SLC44A1: variants seen among roughly 807,000 people sequenced by gnomAD.
SLC44A1 encodes the protein solute carrier family 44 member 1.
Under a neutral mutation model 79.3 loss-of-function variants are expected in SLC44A1, and 26 were observed. The ratio of observed to expected loss-of-function variants is 0.33; its 90% confidence interval spans 0.24 to 0.46. SLC44A1 has a LOEUF of 0.46. Among genes scored for constraint, SLC44A1 ranks in the 20% least tolerant of loss-of-function variants. The pLI is 1.00. For missense variants in SLC44A1, 688 were observed against 798.1 expected (o/e 0.86, Z 1.66); for synonymous variants, 263 against 286.2 (o/e 0.92, Z 0.82).
Position 105,393,385 on chromosome 9 carries a change from A to T in SLC44A1, c.*4329A>T, listed in dbSNP as rs1052909005. 4.1e-6 allele frequency: 4 copies of T among 985,224 alleles called. No individual in the cohort carries two copies. The highest frequency in any genetic ancestry group is 4.8e-6 in the Non-Finnish European group (4 of 829,830). 61.0% of individuals were successfully genotyped at this position (985,224 alleles called of 1,614,324 possible). A position where few individuals can be genotyped will look rare whatever the true frequency, so the allele number is the denominator to read the frequency against. ...TGCCAAGAGAAAATCTAAAGCTAGCAAACTTAAAAAACAAAACAAAAATTA... is the reference window on the plus strand; with the variant it reads ...TGCCAAGAGAAAATCTAAAGCTAGCTAACTTAAAAAACAAAACAAAAATTA... On this transcript the variant is annotated 3_prime_UTR_variant, in exon 16 of 16. Coordinates refer to ENST00000374720, the MANE Select transcript of SLC44A1 (RefSeq NM_080546.5).
At chr9:105,298,581 C>T (rs1258628745) in intron 1 of SLC44A1, among the ~76,000 whole-genome samples, 1 of 152,132 alleles carries the variant, frequency 6.6e-6, no homozygotes, top group East Asian at 1.9e-4. Context: ...AACTCCTGAC[C>T]TCAGGTGATC....
intron 5 of SLC44A1, among the ~76,000 whole-genome samples, chr9:105,350,621 C>A (rs1827376268): frequency 1.3e-5 from 2 of 152,108 alleles, no homozygotes; most frequent in Non-Finnish European, 2.9e-5. Context: ...TGAGATAAGT[C>A]TGGGGTGAAT....
chr9:105,395,762 AG>A lies in SLC44A1; in HGVS notation c.*6707del. On this transcript the variant is annotated 3_prime_UTR_variant, in exon 16 of 16. Transcript: ENST00000374720. The stretch of plus-strand genomic sequence containing the variant: ...TCAGGAGCATGTGTTAAATCATATG[AG>A]TAAAAAAAAAGTAGACATTGAAAAG... The A allele has an allele frequency of 1.0e-6, 1 of 984,490 alleles. No homozygotes were observed. Among genetic ancestry groups the A allele is most frequent in the Non-Finnish European group, 1.2e-6 (1 of 829,096 alleles). The allele number at this position is 984,490 out of a possible 1,614,324, so 61.0% of individuals were successfully genotyped here. A position where few individuals can be genotyped will look rare whatever the true frequency, so the allele number is the denominator to read the frequency against.
At chr9:105,276,565 C>CATGTGTGTGT (rs1188770816) in intron 1 of SLC44A1, among the ~76,000 whole-genome samples, 48 of 118,996 alleles carry the variant, frequency 4.0e-4, no homozygotes, top group Non-Finnish European at 7.6e-4. Flanking sequence ...GATGGGGAGC[C>CATGTGTGTGT]GTGTGTGTGT....
intron 6 of SLC44A1, among the ~76,000 whole-genome samples, chr9:105,357,889 G>T (rs1827668094): frequency 6.6e-6 from 1 of 152,214 alleles, no homozygotes; most frequent in Non-Finnish European, 1.5e-5. Context: ...TGTCAGAGAA[G>T]TTAGTTGCTC....
chr9:105,367,609 A>G (rs1006381201), intron 12 of SLC44A1, among the ~76,000 whole-genome samples: 2 of 152,088 alleles, frequency 1.3e-5, no homozygotes, highest in African/African-American at 4.8e-5. Context: ...CCTCGGAGAG[A>G]TGTGCTAAGC....
downstream of SLC44A1, among the ~76,000 whole-genome samples, chr9:105,400,358 G>T (rs1242069620): frequency 6.7e-6 from 1 of 148,626 alleles, no homozygotes; most frequent in African/African-American, 2.5e-5. Flanking sequence ...GTGTGGTGGC[G>T]CATGCCTGTA....
chr9:105,399,172 A>G (rs1012275444), downstream of SLC44A1, among the ~76,000 whole-genome samples: 2 of 152,208 alleles, frequency 1.3e-5, no homozygotes, highest in Admixed American at 6.5e-5. Context: ...ATTTTAGCAG[A>G]TTCACCTAGG....
rs578141056 is a variant in SLC44A1, at chr9:105,418,619, G to C, written c.1951-19662G>C. Among the ~76,000 whole-genome samples the C allele has an allele frequency of 1.3e-4, 20 of 152,230 alleles. No individual in the cohort carries two copies. The East Asian group carries it at 2.7e-3, about 21-fold the overall frequency. On this transcript the variant is annotated intron_variant, in intron 15 of 15. Transcript: ENST00000374724. ...TTCCCACTCCCCTGTTGTTCCAAGAGGACCCCAGTTCTGTCAATATTTGCT... is the reference window on the plus strand; with the variant it reads ...TTCCCACTCCCCTGTTGTTCCAAGACGACCCCAGTTCTGTCAATATTTGCT...
rs146379589 is a variant in SLC44A1, at chr9:105,316,028, G to A, written c.269+6162G>A. ...CAAGCGACCTAAGTGGTTGAAAAAA[G>A]CGTTTGGTTAAATTCATTCATTCAT... On this transcript the variant is annotated intron_variant, in intron 3 of 15. Coordinates refer to ENST00000374720, the MANE Select transcript of SLC44A1 (RefSeq NM_080546.5). Among the ~76,000 whole-genome samples, 209 of 152,266 alleles carry A rather than the reference G, an allele frequency of 1.4e-3. 2 individuals are homozygous for A. Among genetic ancestry groups the A allele is most frequent in the African/African-American group, 4.6e-3 (192 of 41,554 alleles).
chr9:105,421,365 T>C (rs1829246738), intron 15 of SLC44A1, among the ~76,000 whole-genome samples: 1 of 152,138 alleles, frequency 6.6e-6, no homozygotes, highest in South Asian at 2.1e-4. Context: ...CAGAGAGTGG[T>C]TCCCATTTTA....
At chr9:105,254,908 C>CA (rs1829668288) in intron 1 of SLC44A1, among the ~76,000 whole-genome samples, 2 of 152,128 alleles carry the variant, frequency 1.3e-5, no homozygotes, top group African/African-American at 4.8e-5. Context: ...TTTGAAGTCT[C>CA]ACTTCTGTCT....
At chr9:105,321,046 G>A (rs1359448472) in intron 3 of SLC44A1, among the ~76,000 whole-genome samples, 1 of 152,120 alleles carries the variant, frequency 6.6e-6, no homozygotes, top group East Asian at 1.9e-4. Flanking sequence ...GACATCTTTT[G>A]ATGAGCAAAA....
At chr9:105,352,808 A>G (rs1479028233) in intron 5 of SLC44A1, among the ~76,000 whole-genome samples, 1 of 152,238 alleles carries the variant, frequency 6.6e-6, no homozygotes, top group Admixed American at 6.5e-5. Context: ...AAACGCTAAA[A>G]TATAAAACAA....
intron 4 of SLC44A1, among the ~76,000 whole-genome samples, chr9:105,344,267 A>G (rs191320055): frequency 5.3e-5 from 8 of 152,358 alleles, no homozygotes; most frequent in Middle Eastern, 3.4e-3. Flanking sequence ...AGCCCCCAGC[A>G]TAGAAACTCT....
At chr9:105,268,201 C>T (rs566300389) in intron 1 of SLC44A1, among the ~76,000 whole-genome samples, 1 of 152,110 alleles carries the variant, frequency 6.6e-6, no homozygotes, top group Non-Finnish European at 1.5e-5. Context: ...TTTTTAGCCC[C>T]ATTGTCATCT....
chr9:105,300,624 G>A (rs905865932), intron 2 of SLC44A1, among the ~76,000 whole-genome samples: 3 of 152,028 alleles, frequency 2.0e-5, no homozygotes, highest in Non-Finnish European at 2.9e-5. Context: ...TAAAAGCACC[G>A]TTTCACCAAA....
At chr9:105,365,176 A>G (rs1290553295) in intron 10 of SLC44A1, among the ~76,000 whole-genome samples, 2 of 152,214 alleles carry the variant, frequency 1.3e-5, no homozygotes, top group African/African-American at 4.8e-5. Context: ...ACATCTTTTT[A>G]AATTCTGTTT....
chr9:105,273,567 A>G (rs943205319), intron 1 of SLC44A1, among the ~76,000 whole-genome samples: 2 of 152,170 alleles, frequency 1.3e-5, no homozygotes, highest in African/African-American at 2.4e-5. Context: ...ATATCATTTC[A>G]TGGTGGATGA....
Sources: allele counts gnomAD v4.1 joint callset (sites outside exome capture counted in the v4.1 genomes callset), GRCh38; gene constraint gnomAD v4.1.1; transcripts MANE v1.5; gene names NCBI Gene and HGNC (gene_info 2026-07-23, HGNC 2026-07-21).